The following AMOT variants were observed in gnomAD, a reference collection of about 807,000 sequenced individuals.
AMOT encodes angiomotin.
AMOT carries 11 observed loss-of-function variants against 67.0 expected under a neutral mutation model. That is an observed-to-expected ratio of 0.16 (90% CI 0.10 to 0.27). AMOT has a LOEUF of 0.27. AMOT is among the 10% of genes least tolerant of loss of function. The pLI, the probability that AMOT is intolerant of heterozygous loss-of-function variation, is 1.00. For missense variants in AMOT, 753 were observed against 852.0 expected (o/e 0.88, Z 1.45); for synonymous variants, 326 against 321.4 (o/e 1.01, Z -0.15).
At chrX:112,808,486 A>G (rs925187719) in intron 7 of AMOT, among the ~76,000 whole-genome samples, 1 of 111,863 alleles carries the variant, frequency 8.9e-6, no homozygotes, top group Non-Finnish European at 1.9e-5. Context: ...CAGTGTCCCA[A>G]GACGAAAGAA....
intron 1 of AMOT, among the ~76,000 whole-genome samples, chrX:112,837,347 A>C (rs1430054027): frequency 5.4e-5 from 6 of 112,045 alleles, no homozygotes; most frequent in Non-Finnish European, 1.1e-4. Context: ...GTATTCCTTT[A>C]TGCAATAAAT....
chrX:112,831,699 AAGAT>A (rs2147831998), intron 2 of AMOT, among the ~76,000 whole-genome samples: 1 of 110,471 alleles, frequency 9.1e-6, no homozygotes, highest in Non-Finnish European at 1.9e-5. Flanking sequence ...TTTGACATCA[AAGAT>A]AGGTTGAGAT....
At position 112,777,533 on chromosome X, in the gene AMOT, C is replaced by T. The variant is rs1378091887; in HGVS notation, c.*1034G>A. 8.9e-6 allele frequency: 1 copy of T among 111,931 alleles called. No individual in the cohort carries two copies. The highest frequency in any genetic ancestry group is 1.9e-5 in the Non-Finnish European group (1 of 52,925). The allele number at this position is 111,931 out of a possible 1,213,427, so 9.2% of individuals were successfully genotyped here. ...TATGCTTAGAATTTGACAAACAAAA[C>T]AAGTTATTTCAAAGTAGTCACCAGA... On this transcript the variant is annotated 3_prime_UTR_variant, in exon 14 of 14. Coordinates refer to ENST00000371959, the MANE Select transcript of AMOT (RefSeq NM_001113490.2).
chrX:112,790,689 G>C lies in AMOT; in HGVS notation c.2020C>G (p.Leu674Val). ...TCCCACTTTGTCATATCAGCTTCCA[G>C]AGCCAGAATCCTCTCCTCTTTCTCC... ...LREKEERILA[L>V]EADMTKWEQK... Residue 674 changes from leucine (L) to valine (V), a missense_variant, in exon 10 of 14, where the codon CTG becomes GTG. By Grantham distance (32) the Leu-to-Val change is conservative. Coordinates refer to ENST00000371959, the MANE Select transcript of AMOT (RefSeq NM_001113490.2). 1 of 1,211,028 alleles carries C rather than the reference G, an allele frequency of 8.3e-7. No individual in the cohort carries two copies. Among genetic ancestry groups the C allele is most frequent in the Non-Finnish European group, 1.1e-6 (1 of 895,190 alleles).
At chrX:112,794,283 T>C (rs977042867) in intron 8 of AMOT, among the ~76,000 whole-genome samples, 1 of 111,465 alleles carries the variant, frequency 9.0e-6, no homozygotes, top group Non-Finnish European at 1.9e-5. Flanking sequence ...GGAAGGGAAA[T>C]GCAATAAAGG....
intron 5 of AMOT, among the ~76,000 whole-genome samples, chrX:112,813,904 A>G (rs1314020802): frequency 8.9e-6 from 1 of 112,142 alleles, no homozygotes; most frequent in Non-Finnish European, 1.9e-5. Context: ...GGAAGAAACA[A>G]TTCTCAGAGC....
chrX:112,815,587 T>C lies in AMOT; in HGVS notation c.1163A>G (p.His388Arg). ...QQQQQQQHHH[H>R]HHHQQQQQQQ... ...CTGCTGCTGTTGTTGGTGGTGATGG[T>C]GATGATGGTGCTGCTGCTGCTGTTG... The change falls in exon 5 of 14, where the codon CAC becomes CGC. Residue 388 changes from histidine to arginine, a missense_variant. Around this residue, in one of 5 missense-constraint regions of AMOT, gnomAD observed 297 missense variants for 284.3 expected, o/e 1.04. Coordinates refer to ENST00000371959, the MANE Select transcript of AMOT (RefSeq NM_001113490.2). The C allele has an allele frequency of 8.3e-7, 1 of 1,209,586 alleles. No individual in the cohort carries two copies. The highest frequency in any genetic ancestry group is 1.1e-6 in the Non-Finnish European group (1 of 894,456).
In AMOT at chrX:112,803,317, C is replaced by T. The variant is rs747609302; in HGVS notation, c.1776+1630G>A. ...TGACCACCAGCAAGCTACTTCTTCG[C>T]AGCAGGTCTCTTAGCTTGTCCTTCT... On this transcript the variant is annotated intron_variant, in intron 8 of 13. Transcript: ENST00000371959. Among the ~76,000 whole-genome samples the T allele has an allele frequency of 6.3e-5, 7 of 111,728 alleles. No individual in the cohort carries two copies. The South Asian group carries it at 2.7e-3, about 42-fold the overall frequency.
intron 4 of AMOT, among the ~76,000 whole-genome samples, chrX:112,818,352 G>A (rs754961634): frequency 1.8e-5 from 2 of 111,075 alleles, no homozygotes; most frequent in Non-Finnish European, 3.8e-5. Flanking sequence ...AGGGACCTTG[G>A]GAAGGAGGAG....
chrX:112,820,699 C>T (rs926314842), intron 4 of AMOT, among the ~76,000 whole-genome samples: 3 of 111,578 alleles, frequency 2.7e-5, no homozygotes, highest in Non-Finnish European at 5.6e-5. Flanking sequence ...ATAAAAACCC[C>T]CAGCTTCATT....
In AMOT at chrX:112,822,320, G is replaced by T; in HGVS notation, c.807C>A (p.Asn269Lys). ...PGHFYSEHRL[N>K]QPGRTEGQLM... is the part of the protein sequence containing the mutation. ...GTTGCCCCTCTGTTCTCCCTGGCTG[G>T]TTCAGGCGATGCTCACTATAGAAGT... The change falls in exon 4 of 14, where the codon AAC becomes AAA. Residue 269 changes from asparagine to lysine, a missense_variant. Physicochemically the swap from Asn to Lys is moderately conservative, Grantham distance 94 (BLOSUM62 0). Transcript: ENST00000371959. 3 of 1,134,567 alleles carry T rather than the reference G, an allele frequency of 2.6e-6. No individual in the cohort carries two copies. Among genetic ancestry groups the T allele is most frequent in the Non-Finnish European group, 2.3e-6 (2 of 855,367 alleles). The allele number at this position is 1,134,567 out of a possible 1,213,427, so 93.5% of individuals were successfully genotyped here.
intron 11 of AMOT, among the ~76,000 whole-genome samples, chrX:112,781,515 G>A (rs1038990569): frequency 7.4e-5 from 8 of 108,229 alleles, no homozygotes; most frequent in African/African-American, 1.4e-4. Flanking sequence ...ACATGACTAC[G>A]TGGAGCTCCC....
intron 7 of AMOT, among the ~76,000 whole-genome samples, chrX:112,809,557 T>C (rs1934290834): frequency 9.0e-6 from 1 of 111,365 alleles, no homozygotes; most frequent in Non-Finnish European, 1.9e-5. Flanking sequence ...AACACACAGT[T>C]TCTTCTAAGA....
intron 7 of AMOT, 79 bp downstream of exon 7, chrX:112,809,815 A>G (rs1934299509): frequency 1.1e-6 from 1 of 870,616 alleles, no homozygotes; most frequent in Non-Finnish European, 1.7e-6. Flanking sequence ...CTAAAAGGCT[A>G]AAGAGAACAG....
In AMOT at chrX:112,779,392, G is replaced by T; in HGVS notation, c.2762C>A (p.Pro921Gln). 2 of 1,047,864 alleles carry T rather than the reference G, an allele frequency of 1.9e-6. No individual in the cohort carries two copies. Among genetic ancestry groups the T allele is most frequent in the Non-Finnish European group, 2.6e-6 (2 of 764,236 alleles). 86.4% of individuals were successfully genotyped at this position (1,047,864 alleles called of 1,213,427 possible). Residue 921 changes from proline (P) to glutamine (Q), a missense_variant, in exon 13 of 14, where the codon CCA becomes CAA. Physicochemically the swap from Pro to Gln is moderately conservative, Grantham distance 76 (BLOSUM62 -1). Around this residue, in one of 5 missense-constraint regions of AMOT, gnomAD observed 269 missense variants for 300.9 expected, o/e 0.89. Coordinates refer to ENST00000371959, the MANE Select transcript of AMOT (RefSeq NM_001113490.2). ...APVAVAAAAAPAAAAAPSPAT... is the reference protein window; with the variant it reads ...APVAVAAAAAQAAAAAPSPAT... ...TGGAGACGGGGCAGCAGCAGCAGCT[G>T]GAGCAGCAGCAGCAGCAACAGCAAC... is the stretch of plus-strand genomic sequence containing the variant.
chrX:112,828,088 TGTTCTCTCAG>T, intron 2 of AMOT, among the ~76,000 whole-genome samples: 1 of 111,340 alleles, frequency 9.0e-6, no homozygotes, highest in East Asian at 2.8e-4. Context: ...TAAATTCTTA[TGTTCTCTCAG>T]GTTGGTCCAT....
intron 2 of AMOT, among the ~76,000 whole-genome samples, chrX:112,829,662 A>G (rs1180832937): frequency 8.9e-6 from 1 of 112,619 alleles, no homozygotes; most frequent in Admixed American, 9.4e-5. Flanking sequence ...TGGCATTTCC[A>G]AATCTTACTG....
intron 8 of AMOT, among the ~76,000 whole-genome samples, chrX:112,801,162 G>A (rs1941896157): frequency 9.0e-6 from 1 of 111,632 alleles, no homozygotes. Flanking sequence ...GGGCTGCCCT[G>A]AGCCTTGTGA....
chrX:112,790,909 G>T, intron 9 of AMOT, 127 bp from the exon 10 acceptor site: 1 of 606,204 alleles, frequency 1.6e-6, no homozygotes, highest in Non-Finnish European at 2.3e-6. Flanking sequence ...AAAGAAGCAG[G>T]GGGAATTCAG....
Sources: gnomAD v4.1 joint callset for allele counts (sites outside exome capture counted in the v4.1 genomes callset) on GRCh38, gnomAD v4.1.1 for gene constraint, gnomAD v4.1.1 regional missense constraint, MANE v1.5 for transcripts, NCBI Gene and HGNC (gene_info 2026-07-23, HGNC 2026-07-21) for gene names.